Variants in OXR1 observed in about 807,000 individuals in gnomAD.
The protein encoded by OXR1 is oxidation resistance 1.
A neutral mutation model predicts 104.6 loss-of-function variants in OXR1; 41 were observed. The observed-to-expected ratio is 0.39, with a 90% CI of 0.31 to 0.51. The LOEUF (loss-of-function observed/expected upper bound fraction) is 0.51. Among genes scored for constraint, OXR1 ranks in the 20% least tolerant of loss-of-function variants. The pLI is 0.77. For synonymous variants in OXR1, 348 were observed against 348.4 expected (o/e 1.00, Z 0.01); for missense variants, 955 against 1,031.9 (o/e 0.93, Z 1.02).
chr8:106,732,252 T>C (rs79635849), intron 11 of OXR1, among the ~76,000 whole-genome samples: 4,360 of 152,238 alleles, frequency 0.029, 96 homozygotes, highest in Non-Finnish European at 0.043. Context: ...TGATCACTTA[T>C]TCCAGTAGAG....
Position 106,476,634 on chromosome 8 carries a change from G to A in OXR1, c.24-42309G>A, listed in dbSNP as rs929874059. On this transcript the variant is annotated intron_variant, in intron 2 of 16. Coordinates refer to ENST00000517566, the MANE Select transcript of OXR1 (RefSeq NM_001198533.2). The stretch of plus-strand genomic sequence containing the variant: ...CACTTTCATCTGCACTAAAAAAACT[G>A]TTCAGGCAGATATCCTTTCTCTAGT... Among the ~76,000 whole-genome samples, 3 of 151,978 alleles carry A rather than the reference G, an allele frequency of 2.0e-5. No individual in the cohort carries two copies. The Middle Eastern group carries it at 0.01, about 517-fold the overall frequency.
chr8:106,735,221 T>G (rs1249700953), intron 11 of OXR1, among the ~76,000 whole-genome samples: 2 of 151,968 alleles, frequency 1.3e-5, no homozygotes, highest in Non-Finnish European at 2.9e-5. Context: ...ACTTTTTTTT[T>G]TTTCTTACAG....
chr8:106,543,275 T>A (rs902900363), intron 3 of OXR1, among the ~76,000 whole-genome samples: 2 of 152,234 alleles, frequency 1.3e-5, no homozygotes, highest in Non-Finnish European at 2.9e-5. Flanking sequence ...ATCCTTTTTT[T>A]AATTCCCCAC....
chr8:106,743,424 C>A (rs1300693464), intron 15 of OXR1, among the ~76,000 whole-genome samples: 1 of 152,196 alleles, frequency 6.6e-6, no homozygotes, highest in African/African-American at 2.4e-5. Context: ...CAGGTTCAAG[C>A]AATTCTCCTG....
intron 2 of OXR1, among the ~76,000 whole-genome samples, chr8:106,404,835 A>T (rs969929153): frequency 6.6e-6 from 1 of 151,998 alleles, no homozygotes; most frequent in African/African-American, 2.4e-5. Context: ...CCTCCTGAGT[A>T]GCTGGGACTA....
chr8:106,328,970 G>T (rs1814594159), intron 1 of OXR1, among the ~76,000 whole-genome samples: 1 of 152,092 alleles, frequency 6.6e-6, no homozygotes, highest in African/African-American at 2.4e-5. Context: ...CTTTGAGGGG[G>T]TCAGGAGCTC....
chr8:106,372,616 G>A (rs1425621882), intron 2 of OXR1, among the ~76,000 whole-genome samples: 1 of 152,026 alleles, frequency 6.6e-6, no homozygotes, highest in Non-Finnish European at 1.5e-5. Flanking sequence ...TCAAAACAGA[G>A]TCAAAACCAT....
chr8:106,731,756 C>T (rs1044280320), intron 11 of OXR1, among the ~76,000 whole-genome samples: 1 of 152,078 alleles, frequency 6.6e-6, no homozygotes, highest in East Asian at 1.9e-4. Context: ...TTTGTCAGTT[C>T]TTTTGCCAAA....
intron 3 of OXR1, among the ~76,000 whole-genome samples, chr8:106,668,282 ATG>A (rs1209916593): frequency 1.3e-5 from 2 of 152,182 alleles, no homozygotes; most frequent in African/African-American, 4.8e-5. Flanking sequence ...GCACTGAGTA[ATG>A]TTTCAGTAGA....
chr8:106,288,284 T>C (rs1401900533), intron 1 of OXR1, among the ~76,000 whole-genome samples: 1 of 152,174 alleles, frequency 6.6e-6, no homozygotes, highest in African/African-American at 2.4e-5. Context: ...GAACACTGCA[T>C]GTGGAACATT....
chr8:106,375,794 G>C (rs564600331), intron 2 of OXR1, among the ~76,000 whole-genome samples: 2 of 152,324 alleles, frequency 1.3e-5, no homozygotes, highest in South Asian at 4.1e-4. Context: ...CCCAGTGTTA[G>C]AAAAAGAGGT....
chr8:106,664,563 T>A (rs1363807704), intron 3 of OXR1, among the ~76,000 whole-genome samples: 2 of 152,242 alleles, frequency 1.3e-5, no homozygotes, highest in Non-Finnish European at 2.9e-5. Context: ...ATTTGTTCTG[T>A]TTCATAGAAT....
At chr8:106,278,145 A>G (rs1812133877) in intron 1 of OXR1, among the ~76,000 whole-genome samples, 2 of 152,228 alleles carry the variant, frequency 1.3e-5, no homozygotes, top group Admixed American at 1.3e-4. Flanking sequence ...TTCAAGATTA[A>G]TGACAGCAGT....
chr8:106,505,310 C>T (rs1789982), intron 2 of OXR1, among the ~76,000 whole-genome samples: 127,923 of 152,170 alleles, frequency 0.84, 54,062 homozygotes, highest in African/African-American at 0.9. Flanking sequence ...GATTCATGAA[C>T]TGATTGATTC....
At chr8:106,370,515 A>G (rs1816660167) in intron 2 of OXR1, among the ~76,000 whole-genome samples, 1 of 152,114 alleles carries the variant, frequency 6.6e-6, no homozygotes, top group Non-Finnish European at 1.5e-5. Flanking sequence ...TGCCCATTGA[A>G]GACGATATTT....
At chr8:106,661,930 C>G (rs889741406) in intron 3 of OXR1, among the ~76,000 whole-genome samples, 1 of 152,164 alleles carries the variant, frequency 6.6e-6, no homozygotes, top group Non-Finnish European at 1.5e-5. Flanking sequence ...CCCTCCACCC[C>G]TTCTTGATGC....
intron 3 of OXR1, among the ~76,000 whole-genome samples, chr8:106,577,030 T>C (rs994149487): frequency 1.3e-5 from 2 of 152,154 alleles, no homozygotes; most frequent in Admixed American, 1.3e-4. Flanking sequence ...TATAGTATTT[T>C]CCAGAAAATT....
At chr8:106,688,927 C>A (rs1829016547) in intron 6 of OXR1, among the ~76,000 whole-genome samples, 1 of 151,962 alleles carries the variant, frequency 6.6e-6, no homozygotes, top group Non-Finnish European at 1.5e-5. Context: ...ATATGTGTCA[C>A]AATTTATAGG....
At chr8:106,400,108 C>A (rs969056966) in intron 2 of OXR1, among the ~76,000 whole-genome samples, 3 of 151,898 alleles carry the variant, frequency 2.0e-5, no homozygotes, top group African/African-American at 4.8e-5. Flanking sequence ...TGAATCATTT[C>A]TTGATTATAA....
Sources: allele counts gnomAD v4.1 joint callset (sites outside exome capture counted in the v4.1 genomes callset), GRCh38; gene constraint gnomAD v4.1.1; transcripts MANE v1.5; gene names NCBI Gene and HGNC (gene_info 2026-07-23, HGNC 2026-07-21).